NARS2: variants seen among roughly 807,000 people sequenced by gnomAD.
NARS2 encodes the protein asparaginyl-tRNA synthetase 2, mitochondrial.
Under a neutral mutation model 62.9 loss-of-function variants are expected in NARS2, and 60 were observed. The observed-to-expected ratio is 0.95, with a 90% CI of 0.77 to 1.18. The LOEUF is 1.18. NARS2 is among the 50% of genes most tolerant of loss of function. NARS2 has a pLI of 0.00. For synonymous variants in NARS2, 196 were observed against 200.0 expected, an observed-to-expected ratio of 0.98 and a Z score of 0.17; for missense variants, 619 against 576.4, an observed-to-expected ratio of 1.07 and a Z score of -0.76.
rs560397683 is a variant in NARS2, at chr11:78,459,245, C to T, written c.1164+6631G>A. 8.9e-5 allele frequency among the ~76,000 whole-genome samples: 13 copies of T among 146,776 alleles called. 1 individual carries two copies. Among genetic ancestry groups the T allele is most frequent in the South Asian group, 2.1e-4 (1 of 4,672 alleles). The stretch of plus-strand genomic sequence containing the variant: ...ATGATCTGATGGTGGTTTTTTTTGT[C>T]GTTGTTTTTTTTTTGTTTTGTTTTG... On this transcript the variant is annotated intron_variant, in intron 11 of 13. Transcript: ENST00000281038.
intron 7 of NARS2, among the ~76,000 whole-genome samples, chr11:78,491,580 G>A (rs577078612): frequency 5.3e-4 from 81 of 152,308 alleles, no homozygotes; most frequent in Non-Finnish European, 9.7e-4. Context: ...AAGTGCTAAC[G>A]CCTTGCTTTT....
intron 11 of NARS2, among the ~76,000 whole-genome samples, chr11:78,449,133 G>GT (rs201937471): frequency 0.047 from 4,738 of 100,042 alleles, 357 homozygotes; most frequent in African/African-American, 0.12. Context: ...CCTAAAAAAT[G>GT]TTTTTTTTTT....
Position 78,466,015 on chromosome 11 carries a change from T to C in NARS2, c.1027-2A>G. 1 of 1,583,166 alleles carries C rather than the reference T, an allele frequency of 6.3e-7. No individual in the cohort carries two copies. The highest frequency in any genetic ancestry group is 8.6e-7 in the Non-Finnish European group (1 of 1,168,654). ...TTCAGTCCGTAGGTCAGCACCCCAC[T>C]GTAATGAGAAGAAAGAAATGACCAA... On this transcript the variant is annotated splice_acceptor_variant, in intron 10 of 13. Coordinates refer to ENST00000281038, the MANE Select transcript of NARS2 (RefSeq NM_024678.6). LOFTEE classifies it high-confidence loss of function.
rs113129856 is a variant in NARS2 at position 78,541,422 on chromosome 11, T to G, written c.595-12486A>C. Reference sequence around the variant, plus strand: ...TCAAGTGATCCTCTCACCTCTGCCTTCCGATGGGACTACAGGCATATACCA... The same window carrying G: ...TCAAGTGATCCTCTCACCTCTGCCTGCCGATGGGACTACAGGCATATACCA... On this transcript the variant is annotated intron_variant, in intron 5 of 13. Coordinates refer to ENST00000281038, the MANE Select transcript of NARS2 (RefSeq NM_024678.6). 3.7e-3 allele frequency among the ~76,000 whole-genome samples: 557 copies of G among 152,092 alleles called. 4 individuals are homozygous for G. The highest frequency in any genetic ancestry group is 5.7e-3 in the Non-Finnish European group (390 of 67,968).
At chr11:78,461,602 T>TAAAAAAAAAAAAAAA (rs59664343) in intron 11 of NARS2, among the ~76,000 whole-genome samples, 9 of 64,084 alleles carry the variant, frequency 1.4e-4, no homozygotes, top group African/African-American at 5.5e-4. Context: ...GCTGTGCTGG[T>TAAAAAAAAAAAAAAA]AAAAAAAAAA....
intron 5 of NARS2, among the ~76,000 whole-genome samples, chr11:78,547,538 A>G (rs1278992522): frequency 6.6e-6 from 1 of 152,218 alleles, no homozygotes; most frequent in African/African-American, 2.4e-5. Flanking sequence ...CGTGAACAAA[A>G]TGAACAAAGC....
At chr11:78,480,906 T>C (rs1020800259) in intron 7 of NARS2, among the ~76,000 whole-genome samples, 34 of 151,332 alleles carry the variant, frequency 2.2e-4, no homozygotes, top group African/African-American at 5.3e-4. Flanking sequence ...GCAGCCGCCA[T>C]CTCCCAGGTT....
intron 5 of NARS2, among the ~76,000 whole-genome samples, chr11:78,544,018 CAAAAAAAAAA>C (rs10688131): frequency 1.4e-5 from 1 of 73,918 alleles, no homozygotes; most frequent in Non-Finnish European, 2.3e-5. Context: ...GACTCTGTCT[CAAAAAAAAAA>C]AAAAAAAAAA....
intron 6 of NARS2, among the ~76,000 whole-genome samples, chr11:78,521,250 C>T (rs546460611): frequency 9.1e-4 from 137 of 151,312 alleles, no homozygotes; most frequent in African/African-American, 3.3e-3. Context: ...CTGCAGTCTA[C>T]AACTCCTGGG....
At chr11:78,460,691 A>T (rs1858359848) in intron 11 of NARS2, among the ~76,000 whole-genome samples, 1 of 152,188 alleles carries the variant, frequency 6.6e-6, no homozygotes, top group African/African-American at 2.4e-5. Flanking sequence ...AAGAAGATCA[A>T]ATTTGCTGGG....
At chr11:78,445,967 T>A (rs112523830) in intron 11 of NARS2, among the ~76,000 whole-genome samples, 42 of 152,118 alleles carry the variant, frequency 2.8e-4, no homozygotes, top group East Asian at 9.7e-4. Context: ...CTCAAAAAAA[T>A]ATATATATAT....
Position 78,443,739 on chromosome 11 carries a change from A to G in NARS2, c.1184T>C (p.Leu395Pro), listed in dbSNP as rs763770414. Residue 395 changes from leucine (L) to proline (P), a missense_variant, in exon 12 of 14, where the codon CTG becomes CCG. Transcript: ENST00000281038. Reference sequence around the variant, plus strand: ...AAAGAGTTCCCCAACTCCAGGAACCAGAAGATCAACAGCAGCAACCTAAGG... The same window carrying G: ...AAAGAGTTCCCCAACTCCAGGAACCGGAAGATCAACAGCAGCAACCTAAGG... ...PQHTVAAVDL[L>P]VPGVGELFGG... 2.5e-6 allele frequency: 4 copies of G among 1,613,426 alleles called. No homozygotes were observed. The highest frequency in any genetic ancestry group is 3.4e-6 in the Non-Finnish European group (4 of 1,179,568).
rs1413237815 is a variant in NARS2, at chr11:78,563,847, A to T, written c.513+2285T>A. Among the ~76,000 whole-genome samples the T allele has an allele frequency of 7.9e-3, 523 of 65,954 alleles. 14 individuals carry two copies. The highest frequency in any genetic ancestry group is 0.03 in the African/African-American group (493 of 16,668). 43.3% of individuals were successfully genotyped at this position (65,954 alleles called of 152,430 possible). A position where few individuals can be genotyped will look rare whatever the true frequency, so the allele number is the denominator to read the frequency against. ...TCTGTATCAAAAAAAAAAAAAAAAA[A>T]AAAAATATATATATATATATATGTA... On this transcript the variant is annotated intron_variant, in intron 4 of 13. Coordinates refer to ENST00000281038, the MANE Select transcript of NARS2 (RefSeq NM_024678.6).
chr11:78,484,480 A>G (rs1191238848), intron 7 of NARS2, among the ~76,000 whole-genome samples: 1 of 152,184 alleles, frequency 6.6e-6, no homozygotes, highest in Non-Finnish European at 1.5e-5. Context: ...AAATTTTTGC[A>G]ATCTACCCGT....
chr11:78,451,402 A>T (rs535807518), intron 11 of NARS2, among the ~76,000 whole-genome samples: 1 of 152,266 alleles, frequency 6.6e-6, no homozygotes, highest in Non-Finnish European at 1.5e-5. Context: ...ACATAAAGAT[A>T]TAATACAAAC....
At chr11:78,563,910 T>TATG (rs1856653194) in intron 4 of NARS2, among the ~76,000 whole-genome samples, 2 of 138,518 alleles carry the variant, frequency 1.4e-5, no homozygotes, top group Non-Finnish European at 3.1e-5. Context: ...TTATTATTAT[T>TATG]ATTATTATTG....
At chr11:78,556,636 T>C (rs1280704744) in intron 5 of NARS2, among the ~76,000 whole-genome samples, 1 of 152,234 alleles carries the variant, frequency 6.6e-6, no homozygotes, top group African/African-American at 2.4e-5. Flanking sequence ...GCCTCTTCTA[T>C]TTTATAGAAG....
At chr11:78,484,578 A>C (rs1183296011) in intron 7 of NARS2, among the ~76,000 whole-genome samples, 1 of 152,238 alleles carries the variant, frequency 6.6e-6, no homozygotes, top group Non-Finnish European at 1.5e-5. Flanking sequence ...AAGTGGGTGA[A>C]GGATATGAAC....
At chr11:78,499,662 AT>A (rs979812664) in intron 6 of NARS2, among the ~76,000 whole-genome samples, 4 of 152,220 alleles carry the variant, frequency 2.6e-5, no homozygotes, top group African/African-American at 9.6e-5. Context: ...ATTAGAACAA[AT>A]TTTAAATTAA....
Sources: allele counts gnomAD v4.1 joint callset (sites outside exome capture counted in the v4.1 genomes callset), GRCh38; gene constraint gnomAD v4.1.1; transcripts MANE v1.5; gene names NCBI Gene and HGNC (gene_info 2026-07-23, HGNC 2026-07-21).